Variants in VPS13B observed in about 807,000 individuals in gnomAD.
VPS13B encodes the protein intermembrane lipid transfer protein VPS13B.
In VPS13B, 285 loss-of-function variants were observed where a neutral mutation model predicts 426.4. The ratio of observed to expected loss-of-function variants is 0.67; its 90% confidence interval spans 0.61 to 0.74. The LOEUF is 0.74. VPS13B is among the 30% of genes least tolerant of loss of function. The probability of loss-of-function intolerance (pLI) is 0.00; values close to 1 mark genes in which losing one functional copy is unlikely to be tolerated. For missense variants in VPS13B, 4,537 were observed against 4,782.6 expected (o/e 0.95, Z 1.51); for synonymous variants, 1,676 against 1,676.4 (o/e 1.00, Z 0.01).
At chr8:99,162,555 C>T (rs972237866) in intron 15 of VPS13B, among the ~76,000 whole-genome samples, 2 of 151,858 alleles carry the variant, frequency 1.3e-5, no homozygotes, top group African/African-American at 4.8e-5. Flanking sequence ...GAGTTTCTTC[C>T]TTCTGGTGGG....
intron 3 of VPS13B, among the ~76,000 whole-genome samples, chr8:99,087,440 G>A (rs1017794376): frequency 6.6e-6 from 1 of 151,872 alleles, no homozygotes; most frequent in Non-Finnish European, 1.5e-5. Context: ...TTCGGCCCAC[G>A]CTTGGTACGC....
intron 2 of VPS13B, among the ~76,000 whole-genome samples, chr8:99,019,099 T>C (rs769947099): frequency 2.0e-5 from 3 of 152,116 alleles, no homozygotes; most frequent in Non-Finnish European, 4.4e-5. Flanking sequence ...ATTTGTGAGG[T>C]ATTCCCTCTT....
intron 19 of VPS13B, among the ~76,000 whole-genome samples, chr8:99,321,734 C>A (rs1197542772): frequency 6.6e-6 from 1 of 152,118 alleles, no homozygotes; most frequent in Non-Finnish European, 1.5e-5. Context: ...ACTTTACTTG[C>A]ACATAACATT....
At chr8:99,597,377 C>G (rs1827071944) in intron 33 of VPS13B, among the ~76,000 whole-genome samples, 1 of 151,932 alleles carries the variant, frequency 6.6e-6, no homozygotes, top group Non-Finnish European at 1.5e-5. Context: ...TGTTCATGCT[C>G]CATCCTTCTT....
chr8:99,123,166 G>A (rs1476613115), intron 8 of VPS13B, among the ~76,000 whole-genome samples: 1 of 151,546 alleles, frequency 6.6e-6, no homozygotes, highest in African/African-American at 2.4e-5. Flanking sequence ...AAAATCAAGT[G>A]GGAAGAGGAA....
rs770841580 is a variant in VPS13B, at chr8:99,671,684, G to GTCTCAC, written c.6046+10197_6046+10202dup. Among the ~76,000 whole-genome samples the GTCTCAC allele has an allele frequency of 9.9e-5, 15 of 152,184 alleles. No individual in the cohort carries two copies. In the East Asian group the frequency reaches 2.5e-3, roughly 26 times the overall value. On this transcript the variant is annotated intron_variant, in intron 35 of 61. Transcript: ENST00000357162. ...TGTTTTTTGATTTTTGAGTGACGGA[G>GTCTCAC]TCTCACTCTGTTACCTAGGCTGGAG...
intron 2 of VPS13B, among the ~76,000 whole-genome samples, chr8:99,015,756 A>G (rs1841580836): frequency 6.6e-6 from 1 of 151,918 alleles, no homozygotes; most frequent in Non-Finnish European, 1.5e-5. Context: ...ACAAAAAATT[A>G]GCTGGGCTTG....
At chr8:99,234,068 G>A (rs574712940) in intron 17 of VPS13B, 15 of 777,734 alleles carry the variant, frequency 1.9e-5, no homozygotes, top group Middle Eastern at 3.1e-4. Flanking sequence ...AAATCAGTCT[G>A]TCCGGCCTGA....
chr8:99,618,725 G>A (rs977617057), intron 33 of VPS13B, among the ~76,000 whole-genome samples: 8 of 152,190 alleles, frequency 5.3e-5, no homozygotes, highest in Admixed American at 2.6e-4. Flanking sequence ...CCCTTCATTC[G>A]CCTCTGAATA....
chr8:99,394,109 C>G (rs1180139715), intron 21 of VPS13B, among the ~76,000 whole-genome samples: 1 of 151,994 alleles, frequency 6.6e-6, no homozygotes, highest in Non-Finnish European at 1.5e-5. Flanking sequence ...AGGTATAAAT[C>G]AGTAGCATTA....
intron 15 of VPS13B, among the ~76,000 whole-genome samples, chr8:99,160,553 A>G (rs1488427975): frequency 6.9e-6 from 1 of 145,050 alleles, no homozygotes; most frequent in Admixed American, 7.1e-5. Flanking sequence ...TGGGAGGCTG[A>G]GGTGAGAGAT....
At chr8:99,377,897 T>G (rs1242209245) in intron 19 of VPS13B, among the ~76,000 whole-genome samples, 2 of 152,130 alleles carry the variant, frequency 1.3e-5, no homozygotes, top group Non-Finnish European at 2.9e-5. Context: ...CAGGGTGAGA[T>G]CACAAGGTCA....
At chr8:99,124,875 TCC>T (rs1174785620) in intron 8 of VPS13B, among the ~76,000 whole-genome samples, 1 of 73,016 alleles carries the variant, frequency 1.4e-5, no homozygotes. Context: ...AGAGCAAGAC[TCC>T]GTCTCAAAAA....
At chr8:99,831,082 T>TTTTTTTTTTTTTC (rs1815023033) in intron 51 of VPS13B, among the ~76,000 whole-genome samples, 3 of 146,044 alleles carry the variant, frequency 2.1e-5, no homozygotes, top group African/African-American at 7.6e-5. Context: ...TTTTCTTTTT[T>TTTTTTTTTTTTTC]TTTTTTTTGA....
At chr8:99,798,165 C>CTA (rs1375105865) in intron 43 of VPS13B, among the ~76,000 whole-genome samples, 3 of 151,140 alleles carry the variant, frequency 2.0e-5, no homozygotes, top group East Asian at 3.9e-4. Flanking sequence ...TACCCAGGAA[C>CTA]TACCGTCCAG....
chr8:99,148,051 T>C (rs773808542), intron 14 of VPS13B, 41 bp downstream of exon 14: 2 of 1,574,892 alleles, frequency 1.3e-6, no homozygotes, highest in East Asian at 4.6e-5. Flanking sequence ...CCCTCATATA[T>C]GGATTTTTTT....
At chr8:99,058,000 T>G (rs1213086918) in intron 3 of VPS13B, among the ~76,000 whole-genome samples, 1 of 152,206 alleles carries the variant, frequency 6.6e-6, no homozygotes. Context: ...TAAACTTATG[T>G]GCAACTCATA....
At chr8:99,162,772 T>C (rs1811742728) in intron 15 of VPS13B, among the ~76,000 whole-genome samples, 1 of 152,146 alleles carries the variant, frequency 6.6e-6, no homozygotes. Flanking sequence ...GCAAGATTTA[T>C]TGCAAAGAGC....
intron 16 of VPS13B, among the ~76,000 whole-genome samples, chr8:99,186,967 C>T (rs73699971): frequency 0.011 from 1,665 of 152,040 alleles, 33 homozygotes; most frequent in African/African-American, 0.038. Context: ...GTACCATATA[C>T]GGTAGCTGAA....
Sources: allele counts gnomAD v4.1 joint callset (sites outside exome capture counted in the v4.1 genomes callset), GRCh38; gene constraint gnomAD v4.1.1; transcripts MANE v1.5; gene names NCBI Gene and HGNC (gene_info 2026-07-23, HGNC 2026-07-21).